PTHLH: variants seen among roughly 807,000 people sequenced by gnomAD.
PTHLH encodes parathyroid hormone like hormone.
PTHLH carries 5 observed loss-of-function variants against 18.6 expected under a neutral mutation model. The observed-to-expected ratio is 0.27, with a 90% CI of 0.14 to 0.56. The LOEUF (loss-of-function observed/expected upper bound fraction) is 0.56. Among genes scored for constraint, PTHLH ranks in the 20% least tolerant of loss-of-function variants. PTHLH has a pLI of 0.92. For synonymous variants in PTHLH, 90 were observed against 94.0 expected (o/e 0.96, Z 0.25); for missense variants, 207 against 223.9 (o/e 0.92, Z 0.48).
chr12:27,969,306 C>A, intron 4 of PTHLH, 88 bp downstream of exon 4: 1 of 1,305,394 alleles, frequency 7.7e-7, no homozygotes, highest in Non-Finnish European at 1.1e-6. Flanking sequence ...CATCGGTGAC[C>A]GCTGCAAGCC....
intron 4 of PTHLH, chr12:27,968,988 T>G: frequency 5.8e-6 from 1 of 171,202 alleles, no homozygotes; most frequent in Non-Finnish European, 1.2e-5. Context: ...GCCACCCACA[T>G]TCAGTATGTA....
At chr12:27,961,720 C>T in intron 5 of PTHLH, 1 of 469,422 alleles carries the variant, frequency 2.1e-6, no homozygotes. Context: ...TTTCTAGTGC[C>T]ACTGCCCATT....
At chr12:27,966,135 C>T (rs192483528) in intron 4 of PTHLH, among the ~76,000 whole-genome samples, 30 of 152,310 alleles carry the variant, frequency 2.0e-4, no homozygotes, top group African/African-American at 7.0e-4. Context: ...TCTTGGCCAG[C>T]CTGTCAACTG....
chr12:27,960,604 G>T (rs967365956), intron 5 of PTHLH, among the ~76,000 whole-genome samples: 1 of 151,534 alleles, frequency 6.6e-6, no homozygotes, highest in Non-Finnish European at 1.5e-5. Context: ...TGCAATCCCA[G>T]CTACTCAGGA....
At chr12:27,967,368 A>G (rs1318411078) in intron 4 of PTHLH, among the ~76,000 whole-genome samples, 4 of 152,188 alleles carry the variant, frequency 2.6e-5, no homozygotes, top group African/African-American at 4.8e-5. Flanking sequence ...CCTCTCCCTT[A>G]AAAGTTAGCA....
intron 4 of PTHLH, among the ~76,000 whole-genome samples, chr12:27,967,338 T>A (rs1388375923): frequency 6.6e-6 from 1 of 152,180 alleles, no homozygotes; most frequent in East Asian, 1.9e-4. Flanking sequence ...GTTTAGGAAG[T>A]CTTATTGTTA....
intron 2 of PTHLH, among the ~76,000 whole-genome samples, chr12:27,970,950 TC>T (rs1051101734): frequency 3.3e-5 from 5 of 152,120 alleles, no homozygotes; most frequent in Non-Finnish European, 7.4e-5. Context: ...GTTCCAGATT[TC>T]ATATCTAAAT....
chr12:27,971,530 A>C (rs918460953), intron 2 of PTHLH, among the ~76,000 whole-genome samples: 2 of 152,056 alleles, frequency 1.3e-5, no homozygotes, highest in African/African-American at 4.8e-5. Flanking sequence ...TGTGGCCTTT[A>C]TCAAGCCCGA....
Position 27,963,356 on chromosome 12 carries a change from G to A in PTHLH, c.516C>T (p.Leu172=). The change falls in exon 5 of 6, where the codon CTC becomes CTT. Residue 172 remains leucine, a synonymous_variant. Coordinates refer to ENST00000545234, the MANE Select transcript of PTHLH (RefSeq NM_198965.2). The part of the protein sequence containing the change: ...LSDTSTTSLE[L]DSRRH ...CCAGAGAAGCCTGTTACCGTGAATC[G>A]AGCTCCAGCGACGTTGTGGAGGTGT... The A allele has an allele frequency of 6.2e-7, 1 of 1,614,180 alleles. No individual in the cohort carries two copies. The highest frequency in any genetic ancestry group is 8.5e-7 in the Non-Finnish European group (1 of 1,180,032).
At chr12:27,959,725 G>T (rs1057213028) in intron 5 of PTHLH, among the ~76,000 whole-genome samples, 7 of 152,190 alleles carry the variant, frequency 4.6e-5, no homozygotes, top group African/African-American at 1.7e-4. Flanking sequence ...GTGTTTTAAT[G>T]TCTTAGGTTA....
rs578088358 is a variant in PTHLH at position 27,959,777 on chromosome 12, G to A, written c.525-1209C>T. ...TGGTTTTGGTGGGAATGTTAAAATC[G>A]CTCCAACTGCAAAGAAAAGAAGAGT... On this transcript the variant is annotated intron_variant, in intron 5 of 5. Coordinates refer to ENST00000545234, the MANE Select transcript of PTHLH (RefSeq NM_198965.2). 7.2e-5 allele frequency among the ~76,000 whole-genome samples: 11 copies of A among 152,204 alleles called. No individual in the cohort carries two copies. In the South Asian group the frequency reaches 8.3e-4, roughly 11 times the overall value.
chr12:27,961,561 G>A (rs185648544), intron 5 of PTHLH: 1 of 166,744 alleles, frequency 6.0e-6, no homozygotes, highest in East Asian at 1.6e-4. Context: ...AATAAAGTAG[G>A]GTCCTTACAT....
intron 2 of PTHLH, among the ~76,000 whole-genome samples, chr12:27,970,814 C>T (rs1231127352): frequency 6.6e-6 from 1 of 152,156 alleles, no homozygotes; most frequent in Non-Finnish European, 1.5e-5. Context: ...TTTAAGGAGC[C>T]CGAAGCTCGC....
At chr12:27,960,586 C>T (rs762638069) in intron 5 of PTHLH, among the ~76,000 whole-genome samples, 5 of 150,880 alleles carry the variant, frequency 3.3e-5, no homozygotes, top group Non-Finnish European at 5.9e-5. Flanking sequence ...GGCATGGTGG[C>T]GGGTGCCTGC....
chr12:27,962,871 C>G, intron 5 of PTHLH: 4 of 989,510 alleles, frequency 4.0e-6, no homozygotes, highest in Non-Finnish European at 4.8e-6. Flanking sequence ...GGCTCAGAAT[C>G]GTTTATGACA....
Position 27,961,307 on chromosome 12 carries a change from A to ATATATACACG in PTHLH, c.524+2040_524+2041insCGTGTATATA, listed in dbSNP as rs1555124100. On this transcript the variant is annotated intron_variant, in intron 5 of 5. Transcript: ENST00000545234. ...TATACGTATATATATATACGTATAT[A>ATATATACACG]TATATATATATATACGTATATATAT... 4.2e-3 allele frequency among the ~76,000 whole-genome samples: 265 copies of ATATATACACG among 63,260 alleles called. 9 individuals carry two copies. Among genetic ancestry groups the ATATATACACG allele is most frequent in the African/African-American group, 8.3e-3 (157 of 18,856 alleles). The allele number at this position is 63,260 out of a possible 152,430, so 41.5% of individuals were successfully genotyped here. A position where few individuals can be genotyped will look rare whatever the true frequency, so the allele number is the denominator to read the frequency against.
chr12:27,961,289 A>ATATATATATATAAGTATATATATACGTG (rs1216700849), intron 5 of PTHLH, among the ~76,000 whole-genome samples: 1 of 31,574 alleles, frequency 3.2e-5, no homozygotes, highest in Non-Finnish European at 6.2e-5. Context: ...ATATATACGT[A>ATATATATATATAAGTATATATATACGTG]TATATATATA....
intron 5 of PTHLH, chr12:27,962,835 CATTTA>C: frequency 3.1e-6 from 3 of 965,588 alleles, no homozygotes; most frequent in Non-Finnish European, 3.7e-6. Flanking sequence ...TAATTAAATA[CATTTA>C]ATTAAATAAA....
chr12:27,967,152 T>G (rs1403535186), intron 4 of PTHLH, among the ~76,000 whole-genome samples: 1 of 152,210 alleles, frequency 6.6e-6, no homozygotes, highest in Admixed American at 6.5e-5. Flanking sequence ...TGGAGTTCCC[T>G]CTCTAACTTA....
Sources: gnomAD v4.1 joint callset for allele counts (sites outside exome capture counted in the v4.1 genomes callset) on GRCh38, gnomAD v4.1.1 for gene constraint, MANE v1.5 for transcripts, NCBI Gene and HGNC (gene_info 2026-07-23, HGNC 2026-07-21) for gene names.